The following HEMK2 variants were observed in gnomAD, a reference collection of about 807,000 sequenced individuals.
HEMK2 encodes the protein methyltransferase HEMK2.
the HEMK2 span, among the ~76,000 whole-genome samples, chr21:28,827,593 A>G: frequency 6.6e-6 from 1 of 152,240 alleles, no homozygotes; most frequent in African/African-American, 2.4e-5. Flanking sequence ...AATGAATCAC[A>G]GTGGGATTAA....
the HEMK2 span, among the ~76,000 whole-genome samples, chr21:28,861,415 C>T: frequency 1.3e-5 from 2 of 152,152 alleles, no homozygotes. Flanking sequence ...TTTATATAAG[C>T]AGAAAACTTC....
chr21:28,674,542 T>C, the HEMK2 span: 2 of 152,314 alleles, frequency 1.3e-5, no homozygotes, highest in Admixed American at 1.3e-4. Context: ...CCTGCTTCTC[T>C]GGAGTTAAAT....
At chr21:28,820,365 T>G in the HEMK2 span, among the ~76,000 whole-genome samples, 1 of 152,178 alleles carries the variant, frequency 6.6e-6, no homozygotes. Flanking sequence ...CTCTGGTCCC[T>G]TCCCTGAGTT....
the HEMK2 span, among the ~76,000 whole-genome samples, chr21:28,862,884 G>C: frequency 1.3e-5 from 2 of 152,136 alleles, no homozygotes; most frequent in Non-Finnish European, 2.9e-5. Flanking sequence ...ATTTGGGTCG[G>C]GGATTGGTGC....
the HEMK2 span, among the ~76,000 whole-genome samples, chr21:28,869,015 T>A: frequency 6.6e-6 from 1 of 151,950 alleles, no homozygotes; most frequent in Admixed American, 6.6e-5. Context: ...GGACTTCCAG[T>A]GAAAATGTTG....
the HEMK2 span, among the ~76,000 whole-genome samples, chr21:28,601,860 G>C: frequency 2.6e-5 from 4 of 152,172 alleles, no homozygotes; most frequent in Non-Finnish European, 5.9e-5. Flanking sequence ...ACATCATTTT[G>C]TAATCAGCAG....
chr21:28,842,058 T>G, the HEMK2 span, among the ~76,000 whole-genome samples: 16 of 152,172 alleles, frequency 1.1e-4, no homozygotes, highest in Admixed American at 1.0e-3. Context: ...CTATTACAAC[T>G]TTTGAGTTCT....
the HEMK2 span, among the ~76,000 whole-genome samples, chr21:28,589,618 G>C: frequency 6.6e-6 from 1 of 152,034 alleles, no homozygotes; most frequent in African/African-American, 2.4e-5. Flanking sequence ...TCTCAGTTTT[G>C]GCCCAGGAGG....
chr21:28,839,012 C>T, the HEMK2 span, among the ~76,000 whole-genome samples: 1,594 of 61,306 alleles, frequency 0.026, 75 homozygotes, highest in African/African-American at 0.1. Flanking sequence ...CATATATATA[C>T]ACAATCTGCC....
the HEMK2 span, chr21:28,874,109 C>T: frequency 6.6e-6 from 1 of 152,194 alleles, no homozygotes; most frequent in South Asian, 2.1e-4. Flanking sequence ...CTTCAAAATG[C>T]CATTCCACTG....
chr21:28,692,991 G>A, the HEMK2 span, among the ~76,000 whole-genome samples: 1,389 of 152,252 alleles, frequency 9.1e-3, 4 homozygotes, highest in Middle Eastern at 0.017. Context: ...CCAGCAGCTG[G>A]AGGAGGGGGA....
chr21:28,737,705 A>C, the HEMK2 span, among the ~76,000 whole-genome samples: 1 of 152,160 alleles, frequency 6.6e-6, no homozygotes, highest in Non-Finnish European at 1.5e-5. Flanking sequence ...TATTTTAAGG[A>C]TTCTCAAGAG....
At chr21:28,799,807 CTTTA>C in the HEMK2 span, among the ~76,000 whole-genome samples, 2 of 152,132 alleles carry the variant, frequency 1.3e-5, no homozygotes, top group Admixed American at 1.3e-4. Flanking sequence ...CTATCTGTAT[CTTTA>C]TTTATGCAAA....
At chr21:28,681,334 C>A in the HEMK2 span, among the ~76,000 whole-genome samples, 1 of 152,052 alleles carries the variant, frequency 6.6e-6, no homozygotes, top group African/African-American at 2.4e-5. Context: ...CCTAGGAATC[C>A]AATTTACAAG....
chr21:28,778,030 G>C, the HEMK2 span, among the ~76,000 whole-genome samples: 1 of 152,124 alleles, frequency 6.6e-6, no homozygotes, highest in South Asian at 2.1e-4. Flanking sequence ...ATTTTTAATT[G>C]ACAAATATAC....
chr21:28,588,810 T>C, the HEMK2 span, among the ~76,000 whole-genome samples: 193 of 151,898 alleles, frequency 1.3e-3, 1 homozygote, highest in Middle Eastern at 3.4e-3. Flanking sequence ...GCTGAAACCC[T>C]GTCTCTACTA....
the HEMK2 span, among the ~76,000 whole-genome samples, chr21:28,840,402 CG>C: frequency 2.0e-3 from 306 of 152,158 alleles, 4 homozygotes; most frequent in African/African-American, 7.1e-3. Context: ...GCATTGCAAA[CG>C]GAACAGTCAG....
At chr21:28,835,093 T>TGA in the HEMK2 span, among the ~76,000 whole-genome samples, 17 of 152,142 alleles carry the variant, frequency 1.1e-4, no homozygotes, top group African/African-American at 3.9e-4. Flanking sequence ...CATATAATCT[T>TGA]GAGAGTTCTA....
At chr21:28,578,692 T>A in the HEMK2 span, among the ~76,000 whole-genome samples, 1 of 152,146 alleles carries the variant, frequency 6.6e-6, no homozygotes, top group African/African-American at 2.4e-5. Flanking sequence ...GCAGAAACTG[T>A]CCCTGGTTTC....
Sources: allele counts gnomAD v4.1 joint callset (sites outside exome capture counted in the v4.1 genomes callset), GRCh38; gene constraint gnomAD v4.1.1; transcripts MANE v1.5; gene names NCBI Gene and HGNC (gene_info 2026-07-23, HGNC 2026-07-21).